EML4: variants seen among roughly 807,000 people sequenced by gnomAD.
EML4 encodes echinoderm microtubule-associated protein-like 4.
EML4 carries 72 observed loss-of-function variants against 129.0 expected under a neutral mutation model. The ratio of observed to expected loss-of-function variants is 0.56; its 90% CI spans 0.46 to 0.68. The LOEUF (loss-of-function observed/expected upper bound fraction) is 0.68, where lower values mean the gene tolerates loss of function less well. EML4 is among the 30% of genes least tolerant of loss of function. The probability of loss-of-function intolerance (pLI) is 0.00; values close to 1 mark genes in which losing one functional copy is unlikely to be tolerated. For synonymous variants in EML4, 532 were observed against 405.0 expected, an observed-to-expected ratio of 1.31 and a Z score of -3.77; for missense variants, 1,363 against 1,190.6, an observed-to-expected ratio of 1.14 and a Z score of -2.13.
At chr2:42,201,918 C>T (rs892883425) in intron 1 of EML4, among the ~76,000 whole-genome samples, 2 of 152,068 alleles carry the variant, frequency 1.3e-5, no homozygotes, top group Non-Finnish European at 2.9e-5. Flanking sequence ...CCCATCTCTA[C>T]TAAAAATACA....
chr2:42,325,587 ATGCTATGATTATATT>A (rs773675929), intron 20 of EML4, 33 bp downstream of exon 20: 5 of 300,064 alleles, frequency 1.7e-5, no homozygotes, highest in South Asian at 5.8e-5. Flanking sequence ...ATATATATAT[ATGCTATGATTATATT>A]TATATATATA....
At chr2:42,322,256 A>G (rs1669564600) in intron 19 of EML4, among the ~76,000 whole-genome samples, 2 of 152,226 alleles carry the variant, frequency 1.3e-5, no homozygotes, top group South Asian at 2.1e-4. Context: ...CTTTCTGTTC[A>G]TATCATTAAA....
chr2:42,272,310 A>G lies in EML4; in HGVS notation c.667+7579A>G, dbSNP rs182261352. Among the ~76,000 whole-genome samples the G allele has an allele frequency of 5.2e-4, 79 of 152,302 alleles. No individual in the cohort carries two copies. In the East Asian group the frequency reaches 0.013, roughly 24 times the overall value. ...CTGAACTACACTCACAATTCTCCAA[A>G]GAACAGTTTCACCAAAAATATTCTA... On this transcript the variant is annotated intron_variant, in intron 6 of 22. Coordinates refer to ENST00000318522, the MANE Select transcript of EML4 (RefSeq NM_019063.5).
At chr2:42,225,833 A>G (rs1043813988) in intron 1 of EML4, among the ~76,000 whole-genome samples, 3 of 151,944 alleles carry the variant, frequency 2.0e-5, no homozygotes, top group Admixed American at 6.6e-5. Flanking sequence ...AATTTTCTCA[A>G]TTTTTCAGAA....
Position 42,325,602 on chromosome 2 carries a change from TTATATATATATATA to T in EML4, c.2242+72_2242+85del, listed in dbSNP as rs10530482. 4.9e-3 allele frequency: 636 copies of T among 129,168 alleles called. 6 individuals carry two copies. The highest frequency in any genetic ancestry group is 0.014 in the Middle Eastern group (5 of 348). The allele number at this position is 129,168 out of a possible 1,614,324, so 8.0% of individuals were successfully genotyped here. On this transcript the variant is annotated intron_variant, in intron 20 of 22. Coordinates refer to ENST00000318522, the MANE Select transcript of EML4 (RefSeq NM_019063.5). ...ATATATATATATGCTATGATTATAT[TTATATATATATATA>T]TATATATATATATATATATATATGC...
rs762143576 is a variant in EML4 at position 42,261,309 on chromosome 2, C to G, written c.512+15C>G. The G allele has an allele frequency of 1.9e-6, 3 of 1,605,508 alleles. No homozygotes were observed. The highest frequency in any genetic ancestry group is 2.6e-6 in the Non-Finnish European group (3 of 1,175,342). On this transcript the variant is annotated intron_variant, in intron 4 of 22. Transcript: ENST00000318522. ...CCCACCAAAAGGTTTTAACTGTCCC[C>G]AAGTACAGAGCTAGGGAATGGTTGT...
intron 6 of EML4, among the ~76,000 whole-genome samples, chr2:42,270,440 C>T (rs1336124060): frequency 6.6e-6 from 1 of 152,104 alleles, no homozygotes; most frequent in Non-Finnish European, 1.5e-5. Context: ...CACGTGTAGT[C>T]CCAGCTACTT....
rs376319700 is a variant in EML4, at chr2:42,306,751, G to C, written c.1967+2200G>C. Among the ~76,000 whole-genome samples, 17 of 151,022 alleles carry C rather than the reference G, an allele frequency of 1.1e-4. No individual in the cohort carries two copies. In the East Asian group the frequency reaches 2.3e-3, roughly 21 times the overall value. ...TCTGACCTCGTGATCCTCCCGCCTC[G>C]GCCTCCCAAAGTGCTAGGATTACAG... On this transcript the variant is annotated intron_variant, in intron 17 of 22. Transcript: ENST00000318522.
chr2:42,171,470 A>G (rs566011111), intron 1 of EML4, among the ~76,000 whole-genome samples: 1 of 152,336 alleles, frequency 6.6e-6, no homozygotes, highest in African/African-American at 2.4e-5. Flanking sequence ...TCAAACATTG[A>G]TTATGCTTTG....
intron 1 of EML4, among the ~76,000 whole-genome samples, chr2:42,224,186 T>C (rs1360983599): frequency 6.6e-6 from 1 of 152,156 alleles, no homozygotes; most frequent in Non-Finnish European, 1.5e-5. Context: ...AGAAATCCTG[T>C]ATCCTTTAGC....
chr2:42,280,919 A>G lies in EML4; in HGVS notation c.737A>G (p.Asn246Ser). The G allele has an allele frequency of 6.2e-7, 1 of 1,612,218 alleles. No homozygotes were observed. The highest frequency in any genetic ancestry group is 1.1e-5 in the South Asian group (1 of 90,956). ...ITMFIPSDVDNYDDIRTELPP... is the reference protein window; with the variant it reads ...ITMFIPSDVDSYDDIRTELPP... ...ATGTTCATTCCTTCCGATGTTGACA[A>G]CTATGATGACATCAGAACGGAACTG... The change falls in exon 7 of 23, where the codon AAC becomes AGC. Residue 246 changes from asparagine to serine, a missense_variant. Asn to Ser is a conservative substitution (Grantham distance 46). Transcript: ENST00000318522.
intron 1 of EML4, among the ~76,000 whole-genome samples, chr2:42,207,643 A>C (rs969544908): frequency 6.6e-6 from 1 of 152,120 alleles, no homozygotes; most frequent in Non-Finnish European, 1.5e-5. Flanking sequence ...GCTTTCCTGA[A>C]CGTAAGTGGT....
At chr2:42,242,996 T>C (rs1328554800) in intron 1 of EML4, among the ~76,000 whole-genome samples, 2 of 152,130 alleles carry the variant, frequency 1.3e-5, no homozygotes, top group African/African-American at 4.8e-5. Context: ...CAGGCTGGTC[T>C]CGAACTCCTG....
chr2:42,290,376 C>A (rs7569544), intron 11 of EML4, among the ~76,000 whole-genome samples: 53,202 of 151,652 alleles, frequency 0.35, 11,255 homozygotes, highest in African/African-American at 0.6. Flanking sequence ...CGAGGGCAGC[C>A]CAGATGACCC....
chr2:42,303,335 G>C lies in EML4; in HGVS notation c.1788G>C (p.Trp596Cys). 1 of 1,613,994 alleles carries C rather than the reference G, an allele frequency of 6.2e-7. No homozygotes were observed. The highest frequency in any genetic ancestry group is 8.5e-7 in the Non-Finnish European group (1 of 1,179,988). Residue 596 changes from tryptophan (W) to cysteine (C), a missense_variant, in exon 16 of 23, where the codon TGG (tryptophan) becomes TGC (cysteine). By Grantham distance (215) the Trp-to-Cys change is radical (BLOSUM62 -2). Transcript: ENST00000318522. Reference sequence around the variant, plus strand: ...TTCAGGGTCATACAGATGAGCTTTGGGGTCTTGCCACACATCCCTTCAAAG... The same window carrying C: ...TTCAGGGTCATACAGATGAGCTTTGCGGTCTTGCCACACATCCCTTCAAAG... ...IEVQGHTDEL[W>C]GLATHPFKDL...
intron 1 of EML4, among the ~76,000 whole-genome samples, chr2:42,214,163 T>C (rs1195162124): frequency 6.6e-6 from 1 of 152,206 alleles, no homozygotes; most frequent in Non-Finnish European, 1.5e-5. Flanking sequence ...GACAACAGCT[T>C]GGGCGGGAGT....
intron 1 of EML4, among the ~76,000 whole-genome samples, chr2:42,240,630 A>G (rs951320347): frequency 2.6e-5 from 4 of 152,232 alleles, no homozygotes; most frequent in African/African-American, 9.6e-5. Context: ...GACATATTAC[A>G]GCTTATTTAA....
At position 42,331,364 on chromosome 2, in the gene EML4, ATCC is replaced by A. The variant is rs1670090540; in HGVS notation, c.*1159_*1161del. 4.4e-6 allele frequency: 1 copy of A among 224,864 alleles called. No individual in the cohort carries two copies. The highest frequency in any genetic ancestry group is 8.9e-6 in the Non-Finnish European group (1 of 112,622). 13.9% of individuals were successfully genotyped at this position (224,864 alleles called of 1,614,324 possible). On this transcript the variant is annotated 3_prime_UTR_variant, in exon 23 of 23. Coordinates refer to ENST00000318522, the MANE Select transcript of EML4 (RefSeq NM_019063.5). ...TAAGTCTTGTAAGTCTAATGTGGCT[ATCC>A]TACTCTTTTGGGCAATGCATGTATT... is the stretch of plus-strand genomic sequence containing the variant.
chr2:42,322,317 A>G (rs569853558), intron 19 of EML4, among the ~76,000 whole-genome samples: 3 of 152,358 alleles, frequency 2.0e-5, no homozygotes, highest in Admixed American at 2.0e-4. Context: ...CTTAGAAACC[A>G]CAGGGGACTA....
Sources: allele counts gnomAD v4.1 joint callset (sites outside exome capture counted in the v4.1 genomes callset), GRCh38; gene constraint gnomAD v4.1.1; transcripts MANE v1.5; gene names NCBI Gene and HGNC (gene_info 2026-07-23, HGNC 2026-07-21).